Variants in IL1RAPL1 observed in about 807,000 individuals in gnomAD.
IL1RAPL1 encodes interleukin 1 receptor accessory protein like 1.
In IL1RAPL1, 3 loss-of-function variants were observed where a neutral mutation model predicts 48.4. That is an observed-to-expected ratio of 0.06 (90% CI 0.03 to 0.16). The LOEUF (loss-of-function observed/expected upper bound fraction) is 0.16, where lower values mean the gene tolerates loss of function less well. Among genes scored for constraint, IL1RAPL1 ranks in the 10% least tolerant of loss-of-function variants. The probability of loss-of-function intolerance (pLI) is 1.00; values close to 1 mark genes in which losing one functional copy is unlikely to be tolerated. For synonymous variants in IL1RAPL1, 185 were observed against 187.7 expected, an observed-to-expected ratio of 0.99 and a Z score of 0.12; for missense variants, 349 against 530.6, an observed-to-expected ratio of 0.66 and a Z score of 3.36.
Position 29,884,312 on chromosome X carries a change from T to G in IL1RAPL1, c.779-33152T>G, listed in dbSNP as rs763879638. ...GTGATTTCCAGTGACCACCATGGTG[T>G]TCAATTTAATAGTTAATGTGCCATC... On this transcript the variant is annotated intron_variant, in intron 6 of 10. Coordinates refer to ENST00000378993, the MANE Select transcript of IL1RAPL1 (RefSeq NM_014271.4). 2.7e-5 allele frequency among the ~76,000 whole-genome samples: 3 copies of G among 111,257 alleles called. No homozygotes were observed. In the South Asian group the frequency reaches 1.2e-3, roughly 43 times the overall value.
At chrX:29,746,116 G>T (rs1928331069) in intron 6 of IL1RAPL1, among the ~76,000 whole-genome samples, 1 of 111,628 alleles carries the variant, frequency 9.0e-6, no homozygotes, top group African/African-American at 3.3e-5. Context: ...CCAAATAAGA[G>T]AAATATTAAT....
At chrX:29,910,729 C>T (rs776015224) in intron 6 of IL1RAPL1, among the ~76,000 whole-genome samples, 1 of 111,425 alleles carries the variant, frequency 9.0e-6, no homozygotes, top group Non-Finnish European at 1.9e-5. Flanking sequence ...TTGATGTTTT[C>T]ATAATTTTGA....
chrX:29,300,912 C>T (rs1569280123), intron 3 of IL1RAPL1, among the ~76,000 whole-genome samples: 1 of 111,559 alleles, frequency 9.0e-6, no homozygotes, highest in East Asian at 2.8e-4. Flanking sequence ...ATCGCCCCCC[C>T]TGGAGGAAAT....
At chrX:29,465,183 T>C (rs987963305) in intron 5 of IL1RAPL1, among the ~76,000 whole-genome samples, 2 of 111,460 alleles carry the variant, frequency 1.8e-5, no homozygotes, top group Admixed American at 9.5e-5. Flanking sequence ...GGCAAGAGGA[T>C]AGATTGAGCT....
intron 2 of IL1RAPL1, among the ~76,000 whole-genome samples, chrX:29,036,940 C>A (rs925667287): frequency 8.9e-6 from 1 of 111,773 alleles, no homozygotes; most frequent in Admixed American, 9.5e-5. Flanking sequence ...TATTGTATTA[C>A]TCGAAACATA....
intron 5 of IL1RAPL1, among the ~76,000 whole-genome samples, chrX:29,622,142 A>G (rs1924481582): frequency 8.9e-6 from 1 of 112,378 alleles, no homozygotes; most frequent in Non-Finnish European, 1.9e-5. Flanking sequence ...CTGAATTTTA[A>G]ATGGGGTTTT....
chrX:29,025,811 T>G (rs1926472595), intron 2 of IL1RAPL1, among the ~76,000 whole-genome samples: 1 of 111,790 alleles, frequency 8.9e-6, no homozygotes, highest in Admixed American at 9.6e-5. Flanking sequence ...CAGGTTATTC[T>G]AAATTATGGA....
At chrX:28,732,704 A>T (rs1935770662) in intron 1 of IL1RAPL1, among the ~76,000 whole-genome samples, 1 of 110,592 alleles carries the variant, frequency 9.0e-6, no homozygotes, top group South Asian at 3.9e-4. Context: ...ACCCATCTCT[A>T]CTAAAAATAC....
At chrX:29,120,911 C>A (rs1928770762) in intron 2 of IL1RAPL1, among the ~76,000 whole-genome samples, 2 of 111,610 alleles carry the variant, frequency 1.8e-5, no homozygotes, top group Admixed American at 9.5e-5. Context: ...GGATTTATCC[C>A]AGTTATGCAA....
chrX:29,102,001 G>A lies in IL1RAPL1; in HGVS notation c.83-180937G>A, dbSNP rs371622198. 1.3e-4 allele frequency among the ~76,000 whole-genome samples: 14 copies of A among 111,577 alleles called. No homozygotes were observed. The South Asian group carries it at 3.8e-3, about 30-fold the overall frequency. On this transcript the variant is annotated intron_variant, in intron 2 of 10. Coordinates refer to ENST00000378993, the MANE Select transcript of IL1RAPL1 (RefSeq NM_014271.4). ...AGTGGAATTTATCCCAGGGATGTGAGGATGGTTCAACATAGGCAAATCAAT... is the reference window on the plus strand; with the variant it reads ...AGTGGAATTTATCCCAGGGATGTGAAGATGGTTCAACATAGGCAAATCAAT...
chrX:28,683,372 G>A (rs1298365913), intron 1 of IL1RAPL1, among the ~76,000 whole-genome samples: 1 of 109,792 alleles, frequency 9.1e-6, no homozygotes, highest in Non-Finnish European at 1.9e-5. Context: ...TTTTTTCCAA[G>A]AAGGGGAAAG....
intron 1 of IL1RAPL1, among the ~76,000 whole-genome samples, chrX:28,631,304 G>A (rs1314157894): frequency 3.6e-5 from 4 of 111,885 alleles, no homozygotes; most frequent in Non-Finnish European, 7.5e-5. Context: ...AATAGTATAG[G>A]TGAGGAGAGA....
At position 29,090,420 on chromosome X, in the gene IL1RAPL1, G is replaced by A. The variant is rs1350036590; in HGVS notation, c.83-192518G>A. Among the ~76,000 whole-genome samples, 5 of 111,807 alleles carry A rather than the reference G, an allele frequency of 4.5e-5. No homozygotes were observed. The East Asian group carries it at 1.4e-3, about 31-fold the overall frequency. On this transcript the variant is annotated intron_variant, in intron 2 of 10. Coordinates refer to ENST00000378993, the MANE Select transcript of IL1RAPL1 (RefSeq NM_014271.4). ...TTTTTTCTAAAGCTCAAACTGAGAG[G>A]AAAACTTTTACATTTAATTAATGAG...
chrX:29,349,476 G>C (rs1246739904), intron 3 of IL1RAPL1, among the ~76,000 whole-genome samples: 1 of 111,591 alleles, frequency 9.0e-6, no homozygotes, highest in African/African-American at 3.3e-5. Flanking sequence ...GCCAGCCTCC[G>C]TGGAGAATGG....
intron 3 of IL1RAPL1, among the ~76,000 whole-genome samples, chrX:29,373,237 A>G (rs1218026440): frequency 1.8e-5 from 2 of 111,683 alleles, no homozygotes; most frequent in Non-Finnish European, 3.8e-5. Flanking sequence ...TGATGTATAG[A>G]AATGCTACTG....
intron 2 of IL1RAPL1, among the ~76,000 whole-genome samples, chrX:29,267,183 C>T (rs1931968717): frequency 8.9e-6 from 1 of 111,897 alleles, no homozygotes; most frequent in Admixed American, 9.5e-5. Context: ...TTGAAATTTC[C>T]ATCACAGAAT....
chrX:29,033,899 G>GACACACAC (rs372644096), intron 2 of IL1RAPL1, among the ~76,000 whole-genome samples: 11 of 103,107 alleles, frequency 1.1e-4, no homozygotes, highest in African/African-American at 3.2e-4. Context: ...CAAGAAATGG[G>GACACACAC]ACACACACAC....
intron 6 of IL1RAPL1, among the ~76,000 whole-genome samples, chrX:29,904,463 C>T (rs138665508): frequency 0.033 from 3,677 of 110,369 alleles, 144 homozygotes; most frequent in African/African-American, 0.11. Context: ...CCCATCAACC[C>T]GTCATCTAGG....
chrX:29,110,654 C>T (rs960647564), intron 2 of IL1RAPL1, among the ~76,000 whole-genome samples: 1 of 111,823 alleles, frequency 8.9e-6, no homozygotes, highest in African/African-American at 3.3e-5. Flanking sequence ...TACTTCAAAA[C>T]GAGTTTTTCC....
Sources: allele counts gnomAD v4.1 joint callset (sites outside exome capture counted in the v4.1 genomes callset), GRCh38; gene constraint gnomAD v4.1.1; transcripts MANE v1.5; gene names NCBI Gene and HGNC (gene_info 2026-07-23, HGNC 2026-07-21).